AGBL4: variants seen among roughly 807,000 people sequenced by gnomAD.
AGBL4 encodes AGBL carboxypeptidase 4, also known as cytosolic carboxypeptidase 6.
AGBL4 carries 58 observed loss-of-function variants against 66.4 expected under a neutral mutation model. The ratio of observed to expected loss-of-function variants is 0.87; its 90% confidence interval spans 0.71 to 1.09. The LOEUF (loss-of-function observed/expected upper bound fraction) is 1.09, where lower values mean the gene tolerates loss of function less well. Ranked by LOEUF, AGBL4 falls within the 50% of genes least tolerant of loss-of-function variation. The pLI, the probability that AGBL4 is intolerant of heterozygous loss-of-function variation, is 0.00. For missense variants in AGBL4, 579 were observed against 631.0 expected (o/e 0.92, Z 0.88); for synonymous variants, 234 against 222.9 (o/e 1.05, Z -0.44).
chr1:48,797,962 T>C (rs780014548), intron 6 of AGBL4, among the ~76,000 whole-genome samples: 5 of 152,202 alleles, frequency 3.3e-5, no homozygotes, highest in Non-Finnish European at 7.3e-5. Flanking sequence ...CTTTTTCATA[T>C]AATGAGTTCT....
At chr1:50,009,861 A>T (rs1273048036) in intron 1 of AGBL4, among the ~76,000 whole-genome samples, 1 of 152,236 alleles carries the variant, frequency 6.6e-6, no homozygotes, top group African/African-American at 2.4e-5. Flanking sequence ...AAAAATGAAC[A>T]ATCTAAAAAA....
At chr1:49,538,264 T>C (rs934831643) in intron 3 of AGBL4, among the ~76,000 whole-genome samples, 6 of 152,226 alleles carry the variant, frequency 3.9e-5, no homozygotes, top group African/African-American at 1.4e-4. Flanking sequence ...TTACCATTCA[T>C]CCATCAAAAG....
At chr1:49,174,292 A>G (rs1646792246) in intron 4 of AGBL4, among the ~76,000 whole-genome samples, 1 of 152,128 alleles carries the variant, frequency 6.6e-6, no homozygotes, top group African/African-American at 2.4e-5. Context: ...TTGAGTTGAT[A>G]TTCAGGAGAA....
At chr1:49,212,963 A>G (rs1234730480) in intron 4 of AGBL4, among the ~76,000 whole-genome samples, 1 of 152,134 alleles carries the variant, frequency 6.6e-6, no homozygotes, top group Non-Finnish European at 1.5e-5. Flanking sequence ...TTATTATTGA[A>G]TTATTTTATA....
rs373261203 is a variant in AGBL4, at chr1:49,712,640, T to C, written c.158-15203A>G. On this transcript the variant is annotated intron_variant, in intron 2 of 13. Transcript: ENST00000371839. ...AAAAGTAACTGTGAGATAACAGATA[T>C]GACAATTTTCATGATTATAGAAACC... Among the ~76,000 whole-genome samples, 252 of 151,996 alleles carry C rather than the reference T, an allele frequency of 1.7e-3. 1 individual carries two copies. The highest frequency in any genetic ancestry group is 4.8e-3 in the African/African-American group (199 of 41,540).
At chr1:48,871,944 G>A (rs1648720125) in intron 5 of AGBL4, among the ~76,000 whole-genome samples, 1 of 152,094 alleles carries the variant, frequency 6.6e-6, no homozygotes, top group African/African-American at 2.4e-5. Context: ...AAGAACTTTG[G>A]ACCTTTTCTG....
chr1:49,435,172 A>G (rs1490583685), intron 3 of AGBL4, among the ~76,000 whole-genome samples: 1 of 152,144 alleles, frequency 6.6e-6, no homozygotes, highest in East Asian at 1.9e-4. Flanking sequence ...TCATTTACTT[A>G]ATGTATGTCT....
intron 2 of AGBL4, among the ~76,000 whole-genome samples, chr1:49,704,639 C>A (rs1647168323): frequency 6.6e-6 from 1 of 152,084 alleles, no homozygotes; most frequent in African/African-American, 2.4e-5. Flanking sequence ...TTTCAGTTTT[C>A]TGCATATGGC....
chr1:49,970,742 CACACAT>C (rs1557629019), intron 1 of AGBL4, among the ~76,000 whole-genome samples: 3 of 99,840 alleles, frequency 3.0e-5, no homozygotes, highest in Non-Finnish European at 4.2e-5. Context: ...CACACACACA[CACACAT>C]ACACAAACAA....
At chr1:48,706,319 A>C (rs987810366) in intron 6 of AGBL4, among the ~76,000 whole-genome samples, 2 of 152,182 alleles carry the variant, frequency 1.3e-5, no homozygotes, top group Admixed American at 6.5e-5. Flanking sequence ...ACATGTAACA[A>C]TTTCTACTCT....
At chr1:48,896,789 T>G (rs1482507098) in intron 5 of AGBL4, among the ~76,000 whole-genome samples, 2 of 150,528 alleles carry the variant, frequency 1.3e-5, no homozygotes, top group African/African-American at 4.9e-5. Flanking sequence ...TTTTTTTTAC[T>G]AGTACAAATA....
intron 5 of AGBL4, among the ~76,000 whole-genome samples, chr1:48,899,166 G>T (rs879819886): frequency 6.6e-6 from 1 of 152,210 alleles, no homozygotes; most frequent in African/African-American, 2.4e-5. Context: ...GCGCCAGCCC[G>T]AGTGACGCCT....
chr1:49,693,716 T>TA (rs992291378), intron 3 of AGBL4, among the ~76,000 whole-genome samples: 18 of 152,096 alleles, frequency 1.2e-4, no homozygotes, highest in African/African-American at 3.6e-4. Context: ...TTCAAAAAGA[T>TA]AAAAAAATAC....
At chr1:48,628,073 T>C (rs75891368) in intron 9 of AGBL4, among the ~76,000 whole-genome samples, 6,714 of 152,266 alleles carry the variant, frequency 0.044, 152 homozygotes, top group Non-Finnish European at 0.051. Flanking sequence ...CATTCATCAT[T>C]CAACAGAATA....
chr1:49,137,110 T>C (rs1646027057), intron 4 of AGBL4, among the ~76,000 whole-genome samples: 1 of 152,188 alleles, frequency 6.6e-6, no homozygotes, highest in African/African-American at 2.4e-5. Flanking sequence ...CCAGATGTTT[T>C]ACATTTTTCA....
At chr1:49,798,210 C>T (rs969152450) in intron 2 of AGBL4, among the ~76,000 whole-genome samples, 16 of 152,068 alleles carry the variant, frequency 1.1e-4, no homozygotes, top group African/African-American at 3.9e-4. Flanking sequence ...TATACTTATG[C>T]TATGAAGTGA....
At chr1:49,536,466 A>G (rs1249077555) in intron 3 of AGBL4, among the ~76,000 whole-genome samples, 1 of 152,182 alleles carries the variant, frequency 6.6e-6, no homozygotes, top group African/African-American at 2.4e-5. Context: ...AAAATTAGTA[A>G]CATTAGCTTT....
intron 6 of AGBL4, among the ~76,000 whole-genome samples, chr1:48,793,970 G>A (rs1570688745): frequency 6.6e-6 from 1 of 152,154 alleles, no homozygotes; most frequent in East Asian, 1.9e-4. Context: ...CTTGTGCTGG[G>A]AGCCAGGGTT....
chr1:48,797,517 C>T (rs1001577483), intron 6 of AGBL4, among the ~76,000 whole-genome samples: 3 of 152,182 alleles, frequency 2.0e-5, no homozygotes, highest in African/African-American at 7.2e-5. Flanking sequence ...TAATGGTCTC[C>T]AGCTCCATCC....
Sources: allele counts gnomAD v4.1 joint callset (sites outside exome capture counted in the v4.1 genomes callset), GRCh38; gene constraint gnomAD v4.1.1; transcripts MANE v1.5; gene names NCBI Gene and HGNC (gene_info 2026-07-23, HGNC 2026-07-21).